Variants in TTC8 observed in about 807,000 individuals in gnomAD.
TTC8 encodes the protein tetratricopeptide repeat protein 8.
In TTC8, 47 loss-of-function variants were observed where a neutral mutation model predicts 72.5. That is an observed-to-expected ratio of 0.65 (90% CI 0.51 to 0.83). The LOEUF (loss-of-function observed/expected upper bound fraction) is 0.83. Among genes scored for constraint, TTC8 ranks in the 40% least tolerant of loss-of-function variants. The pLI is 0.00. For missense variants in TTC8, 611 were observed against 623.2 expected (o/e 0.98, Z 0.21); for synonymous variants, 199 against 221.4 (o/e 0.90, Z 0.90).
At chr14:88,833,904 G>A (rs1197752014) in intron 2 of TTC8, 182 bp downstream of exon 2, 1 of 635,232 alleles carries the variant, frequency 1.6e-6, no homozygotes, top group East Asian at 2.8e-5. Flanking sequence ...ATACTTTTGT[G>A]TATATTGATA....
chr14:88,831,130 GCA>G, intron 1 of TTC8: 1 of 234,384 alleles, frequency 4.3e-6, no homozygotes, highest in Non-Finnish European at 8.8e-6. Context: ...CCAGCAGATG[GCA>G]AGGAAAGCGA....
chr14:88,853,187 G>A, intron 8 of TTC8, 131 bp downstream of exon 8: 1 of 698,634 alleles, frequency 1.4e-6, no homozygotes, highest in South Asian at 1.5e-5. Context: ...ACTTGATAAA[G>A]CATTTACTTA....
At chr14:88,879,411 A>C (rs1012646950), downstream of TTC8, 1 of 152,172 alleles carries the variant, frequency 6.6e-6, no homozygotes, top group Non-Finnish European at 1.5e-5. Context: ...ACCAAAATTC[A>C]TATCATCGAG....
chr14:88,834,203 A>G (rs2094739295), intron 2 of TTC8, among the ~76,000 whole-genome samples: 1 of 152,208 alleles, frequency 6.6e-6, no homozygotes, highest in African/African-American at 2.4e-5. Flanking sequence ...AGAAAGGGAC[A>G]CTGGCCAGAC....
At chr14:88,825,805 G>A (rs765087159) in intron 1 of TTC8, among the ~76,000 whole-genome samples, 1 of 152,144 alleles carries the variant, frequency 6.6e-6, no homozygotes, top group Non-Finnish European at 1.5e-5. Flanking sequence ...CCAGCAAATG[G>A]ATGATGGATG....
Position 88,839,455 on chromosome 14 carries a change from G to T in TTC8, c.148G>T (p.Ala50Ser), listed in dbSNP as rs771844864. 36 of 1,612,786 alleles carry T rather than the reference G, an allele frequency of 2.2e-5. No homozygotes were observed. The South Asian group carries it at 4.0e-4, about 18-fold the overall frequency. ...TTTATTTATCCATGGGTTTTAGGCA[G>T]CTTGGATCTTAAAAGCAAGAGCGCT... ...PDPELPVHQA[A>S]WILKARALTE... is the part of the protein sequence containing the mutation. The change falls in exon 3 of 15, where the codon GCT becomes TCT. Residue 50 changes from alanine (A) to serine (S), a missense_variant. Coordinates refer to ENST00000380656, the MANE Select transcript of TTC8 (RefSeq NM_144596.4).
At chr14:88,876,974 A>T (rs554278871) in intron 14 of TTC8, among the ~76,000 whole-genome samples, 3 of 152,272 alleles carry the variant, frequency 2.0e-5, no homozygotes, top group Middle Eastern at 3.4e-3. Context: ...ATCATCAGTG[A>T]CAGGAAAAGA....
At chr14:88,867,400 C>T (rs2094915028) in intron 10 of TTC8, among the ~76,000 whole-genome samples, 1 of 152,066 alleles carries the variant, frequency 6.6e-6, no homozygotes, top group Non-Finnish European at 1.5e-5. Flanking sequence ...AGAGTCAAGA[C>T]ACTGAGAGTG....
chr14:88,845,992 T>A (rs2094804498), intron 7 of TTC8, among the ~76,000 whole-genome samples: 1 of 150,988 alleles, frequency 6.6e-6, no homozygotes, highest in African/African-American at 2.4e-5. Context: ...CTATTTTGGA[T>A]GGAGGGGGGA....
intron 7 of TTC8, among the ~76,000 whole-genome samples, chr14:88,844,647 C>T (rs1016303850): frequency 1.3e-5 from 2 of 151,732 alleles, no homozygotes; most frequent in South Asian, 4.2e-4. Flanking sequence ...CAGGCTCAGG[C>T]GATCCTCCCA....
chr14:88,836,367 C>G (rs543527014), intron 2 of TTC8, among the ~76,000 whole-genome samples: 3 of 151,746 alleles, frequency 2.0e-5, no homozygotes, highest in Non-Finnish European at 4.4e-5. Context: ...ATAGTACACA[C>G]CTGTAGTCCT....
At chr14:88,849,669 CAG>C (rs1595954710) in intron 7 of TTC8, among the ~76,000 whole-genome samples, 2 of 152,214 alleles carry the variant, frequency 1.3e-5, no homozygotes, top group East Asian at 1.9e-4. Flanking sequence ...CAACGAAACT[CAG>C]GGGACACGTG....
downstream of TTC8, chr14:88,879,932 C>A (rs183907838): frequency 1.5e-3 from 231 of 152,326 alleles, no homozygotes; most frequent in Non-Finnish European, 2.1e-3. Flanking sequence ...CCGCCATGGC[C>A]TCCCAAAGTG....
At chr14:88,839,792 T>G (rs572666525) in intron 3 of TTC8, among the ~76,000 whole-genome samples, 1 of 152,286 alleles carries the variant, frequency 6.6e-6, no homozygotes, top group Non-Finnish European at 1.5e-5. Flanking sequence ...ATCTTAAACT[T>G]AAGGTATGAG....
intron 13 of TTC8, among the ~76,000 whole-genome samples, chr14:88,873,456 C>CAT (rs950529279): frequency 3.4e-4 from 52 of 152,188 alleles, no homozygotes; most frequent in African/African-American, 1.2e-3. Flanking sequence ...CAGATATTTT[C>CAT]ATATATATGT....
intron 3 of TTC8, 105 bp downstream of exon 3, chr14:88,839,677 T>G: frequency 1.5e-6 from 2 of 1,301,498 alleles, no homozygotes; most frequent in Non-Finnish European, 1.1e-6. Context: ...TTTATATATA[T>G]AAACATTATA....
chr14:88,849,803 C>T (rs142264164), intron 7 of TTC8, among the ~76,000 whole-genome samples: 165 of 152,170 alleles, frequency 1.1e-3, no homozygotes, highest in Middle Eastern at 0.01. Flanking sequence ...ACTATTTCTG[C>T]CTTTGAGTAT....
At chr14:88,874,934 A>C in intron 13 of TTC8, 92 bp from the exon 14 acceptor site, 108 of 858,658 alleles carry the variant, frequency 1.3e-4, no homozygotes, top group Non-Finnish European at 1.8e-4. Context: ...TGTCATAGGT[A>C]AAGAATTCTT....
chr14:88,851,385 A>G (rs1026198466), intron 7 of TTC8, among the ~76,000 whole-genome samples: 4 of 152,230 alleles, frequency 2.6e-5, no homozygotes, highest in Admixed American at 2.0e-4. Flanking sequence ...TTTAGGACCA[A>G]CTATGCAAGC....
Sources: allele counts gnomAD v4.1 joint callset (sites outside exome capture counted in the v4.1 genomes callset), GRCh38; gene constraint gnomAD v4.1.1; transcripts MANE v1.5; gene names NCBI Gene and HGNC (gene_info 2026-07-23, HGNC 2026-07-21).